Variants in FAF1 observed in about 807,000 individuals in gnomAD.
FAF1 encodes the protein Fas associated factor 1.
Under a neutral mutation model 92.5 loss-of-function variants are expected in FAF1, and 25 were observed. The observed-to-expected ratio is 0.27, with a 90% confidence interval of 0.20 to 0.38. The LOEUF is 0.38. Ranked by LOEUF, FAF1 falls within the 10% of genes least tolerant of loss-of-function variation. The pLI is 1.00. For synonymous variants in FAF1, 234 were observed against 273.2 expected, an observed-to-expected ratio of 0.86 and a Z score of 1.42; for missense variants, 636 against 793.3, an observed-to-expected ratio of 0.80 and a Z score of 2.38.
intron 7 of FAF1, among the ~76,000 whole-genome samples, chr1:50,675,263 T>C (rs1483044072): frequency 1.3e-5 from 2 of 152,230 alleles, no homozygotes; most frequent in African/African-American, 4.8e-5. Flanking sequence ...TCTTTCTTCC[T>C]TTCAACAAAC....
intron 8 of FAF1, among the ~76,000 whole-genome samples, chr1:50,600,563 A>G (rs188502014): frequency 2.4e-3 from 365 of 152,322 alleles, no homozygotes; most frequent in African/African-American, 8.3e-3. Flanking sequence ...ACTAACCTTT[A>G]GGAAACTACC....
At chr1:50,598,462 TAAAAAAAAAA>T (rs890794436) in intron 8 of FAF1, among the ~76,000 whole-genome samples, 8 of 112,364 alleles carry the variant, frequency 7.1e-5, no homozygotes, top group African/African-American at 2.7e-4. Flanking sequence ...AACCTGTCTT[TAAAAAAAAAA>T]AAAAAAAAAA....
Position 50,539,491 on chromosome 1 carries a change from C to T in FAF1, c.1405+101G>A, listed in dbSNP as rs1301451642. 6.8e-5 allele frequency: 51 copies of T among 746,036 alleles called. No homozygotes were observed. In the East Asian group the frequency reaches 1.5e-3, roughly 21 times the overall value. 46.2% of individuals were successfully genotyped at this position (746,036 alleles called of 1,614,324 possible). A position where few individuals can be genotyped will look rare whatever the true frequency, so the allele number is the denominator to read the frequency against. ...TCAGGATATTCTATATTTTCAAATG[C>T]AAAGATATTTACTAATAGAAATATT... On this transcript the variant is annotated intron_variant, in intron 14 of 18. Transcript: ENST00000396153.
At chr1:50,469,752 G>C (rs1646547693) in intron 18 of FAF1, among the ~76,000 whole-genome samples, 1 of 152,170 alleles carries the variant, frequency 6.6e-6, no homozygotes, top group Admixed American at 6.5e-5. Flanking sequence ...CAGTGGTATA[G>C]AGGGAAAGAG....
At chr1:50,828,793 A>G (rs1018453648) in intron 2 of FAF1, among the ~76,000 whole-genome samples, 3 of 152,216 alleles carry the variant, frequency 2.0e-5, no homozygotes, top group African/African-American at 7.2e-5. Flanking sequence ...CAAAATCAAT[A>G]AAGGAAAGAA....
chr1:50,811,103 G>A (rs951947423), intron 2 of FAF1, among the ~76,000 whole-genome samples: 3 of 152,132 alleles, frequency 2.0e-5, no homozygotes, highest in African/African-American at 7.2e-5. Context: ...GGGAGGCTGA[G>A]GCAAGAGGAT....
chr1:50,929,247 G>C (rs954924082), intron 1 of FAF1, among the ~76,000 whole-genome samples: 28 of 152,144 alleles, frequency 1.8e-4, no homozygotes, highest in African/African-American at 6.7e-4. Flanking sequence ...AATTAAAACA[G>C]AAAGTTCTTT....
At chr1:50,887,945 T>C (rs1038808276) in intron 1 of FAF1, among the ~76,000 whole-genome samples, 1 of 152,226 alleles carries the variant, frequency 6.6e-6, no homozygotes, top group African/African-American at 2.4e-5. Flanking sequence ...GGGGATGGCA[T>C]TGAATCTATG....
rs551466824 is a variant in FAF1, at chr1:50,756,693, C to T, written c.368-11918G>A. Among the ~76,000 whole-genome samples, 23 of 152,308 alleles carry T rather than the reference C, an allele frequency of 1.5e-4. No homozygotes were observed. In the South Asian group the frequency reaches 2.3e-3, roughly 15 times the overall value. Reference sequence around the variant, plus strand: ...AAAGGGTTTAACGGACTTATAGTTCCACATGGTTGGGGAGGCCTCACAATC... The same window carrying T: ...AAAGGGTTTAACGGACTTATAGTTCTACATGGTTGGGGAGGCCTCACAATC... On this transcript the variant is annotated intron_variant, in intron 4 of 18. Coordinates refer to ENST00000396153, the MANE Select transcript of FAF1 (RefSeq NM_007051.3).
rs539328071 is a variant in FAF1 at position 50,620,306 on chromosome 1, C to A, written c.745-24090G>T. ...TGTCTGAATGAGTTGATTTGAAGAA[C>A]CAGTCTTTGAGCTCTGAGAGTCTTT... On this transcript the variant is annotated intron_variant, in intron 8 of 18. Transcript: ENST00000396153. Among the ~76,000 whole-genome samples the A allele has an allele frequency of 3.9e-5, 6 of 152,292 alleles. No individual in the cohort carries two copies. The South Asian group carries it at 1.0e-3, about 26-fold the overall frequency.
chr1:50,830,445 A>G (rs1023256160), intron 2 of FAF1, among the ~76,000 whole-genome samples: 8 of 152,210 alleles, frequency 5.3e-5, no homozygotes, highest in African/African-American at 1.9e-4. Context: ...AGACATTGGG[A>G]AAAAGGTTGT....
intron 2 of FAF1, among the ~76,000 whole-genome samples, chr1:50,805,452 A>C (rs1193412372): frequency 6.6e-6 from 1 of 152,224 alleles, no homozygotes; most frequent in African/African-American, 2.4e-5. Context: ...AGTGGAAGCC[A>C]ATGTCAGAGA....
At chr1:50,626,572 GAAGT>G in intron 8 of FAF1, among the ~76,000 whole-genome samples, 1 of 152,236 alleles carries the variant, frequency 6.6e-6, no homozygotes, top group Middle Eastern at 3.4e-3. Flanking sequence ...TAACACTAAA[GAAGT>G]AAGCAAGAAG....
At chr1:50,620,196 C>T (rs888344034) in intron 8 of FAF1, among the ~76,000 whole-genome samples, 9 of 152,286 alleles carry the variant, frequency 5.9e-5, no homozygotes, top group African/African-American at 1.4e-4. Context: ...CGTGAGCCAC[C>T]GTGTCCAGCC....
intron 13 of FAF1, among the ~76,000 whole-genome samples, chr1:50,544,042 G>C (rs1488795330): frequency 1.3e-5 from 2 of 152,120 alleles, no homozygotes; most frequent in Non-Finnish European, 1.5e-5. Flanking sequence ...AGCTTAATGA[G>C]AACAAGAGGG....
intron 4 of FAF1, among the ~76,000 whole-genome samples, chr1:50,755,652 G>A (rs1286761622): frequency 6.6e-6 from 1 of 152,178 alleles, no homozygotes; most frequent in Non-Finnish European, 1.5e-5. Flanking sequence ...CGCTGCCCTA[G>A]CAGAGGCCCT....
chr1:50,587,665 T>C (rs1651299089), intron 9 of FAF1, among the ~76,000 whole-genome samples: 1 of 152,236 alleles, frequency 6.6e-6, no homozygotes, highest in South Asian at 2.1e-4. Flanking sequence ...ATTCATTTAT[T>C]ACCTTTAACA....
chr1:50,709,947 CA>C (rs1211542640), intron 6 of FAF1, among the ~76,000 whole-genome samples: 1 of 152,070 alleles, frequency 6.6e-6, no homozygotes, highest in Non-Finnish European at 1.5e-5. Flanking sequence ...AGACATAGAA[CA>C]GTTCAGAAAC....
intron 15 of FAF1, among the ~76,000 whole-genome samples, chr1:50,504,584 T>C (rs1647030669): frequency 6.6e-6 from 1 of 152,174 alleles, no homozygotes; most frequent in African/African-American, 2.4e-5. Flanking sequence ...AAAGAGATCA[T>C]GTTTTTGAAT....
Sources: gnomAD v4.1 joint callset for allele counts (sites outside exome capture counted in the v4.1 genomes callset) on GRCh38, gnomAD v4.1.1 for gene constraint, MANE v1.5 for transcripts, NCBI Gene and HGNC (gene_info 2026-07-23, HGNC 2026-07-21) for gene names.